PCDHGA3: variants seen among roughly 807,000 people sequenced by gnomAD.
The protein encoded by PCDHGA3 is protocadherin gamma-A3.
A neutral mutation model predicts 58.5 loss-of-function variants in PCDHGA3; 40 were observed. The ratio of observed to expected loss-of-function variants is 0.68; its 90% CI spans 0.53 to 0.89. PCDHGA3 has a LOEUF of 0.89. Among genes scored for constraint, PCDHGA3 ranks in the 40% least tolerant of loss-of-function variants. PCDHGA3 has a pLI of 0.00. For synonymous variants in PCDHGA3, 530 were observed against 525.7 expected (o/e 1.01, Z -0.11); for missense variants, 1,223 against 1,195.9 (o/e 1.02, Z -0.33).
chr5:141,433,232 C>T (rs1344380820), intron 1 of PCDHGA3: 1 of 1,516,488 alleles, frequency 6.6e-7, no homozygotes, highest in Admixed American at 1.9e-5. Flanking sequence ...ATTGCTCTGT[C>T]TCCCAAGCTG....
At chr5:141,381,826 C>CTTTTTTTTTTTTTTTTTTTT (rs770630741) in intron 1 of PCDHGA3, among the ~76,000 whole-genome samples, 4 of 74,282 alleles carry the variant, frequency 5.4e-5, no homozygotes, top group Admixed American at 1.9e-4. Context: ...CTTTCTTCTT[C>CTTTTTTTTTTTTTTTTTTTT]TTTTTTTTTT....
chr5:141,501,025 C>T (rs999221755), intron 2 of PCDHGA3, among the ~76,000 whole-genome samples: 94 of 152,100 alleles, frequency 6.2e-4, no homozygotes, highest in East Asian at 1.9e-3. Flanking sequence ...CGCGCCACCA[C>T]GCCCAGCTAA....
In PCDHGA3 at chr5:141,486,936, A is replaced by G; in HGVS notation, c.2425-7871A>G. 2 of 1,614,184 alleles carry G rather than the reference A, an allele frequency of 1.2e-6. No individual in the cohort carries two copies. Among genetic ancestry groups the G allele is most frequent in the Non-Finnish European group, 1.7e-6 (2 of 1,180,030 alleles). On this transcript the variant is annotated intron_variant, in intron 1 of 3. Transcript: ENST00000253812. This position sits in a 1 kb window ranked among gnomAD's most constrained non-coding sequence, Gnocchi z 5.0. ...CTGCCTCCATCAGTTGGTGCTGGCC[A>G]CCTAATCACAAAGGTGACTGCTGTG...
At chr5:141,370,093 C>T (rs1766669679) in intron 1 of PCDHGA3, among the ~76,000 whole-genome samples, 1 of 152,218 alleles carries the variant, frequency 6.6e-6, no homozygotes, top group South Asian at 2.1e-4. Flanking sequence ...TATCAGTACA[C>T]TGCCGATTTT....
At chr5:141,383,059 C>A (rs1778767353) in intron 1 of PCDHGA3, 1 of 1,613,894 alleles carries the variant, frequency 6.2e-7, no homozygotes, top group Non-Finnish European at 8.5e-7. Flanking sequence ...GGACCTGGGG[C>A]TGGAGCCCCG....
intron 1 of PCDHGA3, among the ~76,000 whole-genome samples, chr5:141,368,490 A>C (rs1765682210): frequency 6.6e-6 from 1 of 152,216 alleles, no homozygotes; most frequent in Admixed American, 6.5e-5. Context: ...AAGAGAATCT[A>C]TACAGTAGGT....
chr5:141,469,394 G>A lies in PCDHGA3; in HGVS notation c.2425-25413G>A, dbSNP rs550152670. Among the ~76,000 whole-genome samples the A allele has an allele frequency of 2.5e-4, 38 of 152,198 alleles. 1 individual carries two copies. The highest frequency in any genetic ancestry group is 8.4e-4 in the African/African-American group (35 of 41,514). On this transcript the variant is annotated intron_variant, in intron 1 of 3. Coordinates refer to ENST00000253812, the MANE Select transcript of PCDHGA3 (RefSeq NM_018916.4). ...GATCGAGACCATCCTGGCCAACATG[G>A]TGAAACCCCGTTTCTACTAAAAATA...
chr5:141,351,539 GC>G, intron 1 of PCDHGA3: 1 of 1,614,024 alleles, frequency 6.2e-7, no homozygotes, highest in Non-Finnish European at 8.5e-7. Context: ...GGGCAAACCA[GC>G]CCTTTCCTCC....
Position 141,415,748 on chromosome 5 carries a change from T to G in PCDHGA3, c.2424+69291T>G, listed in dbSNP as rs1345423849. On this transcript the variant is annotated intron_variant, in intron 1 of 3. Transcript: ENST00000253812. ...ATTTGATGTTTATTAAGGTTTTTTT[T>G]TTTTTTTTTTTTTTTTTTTTTTTTA... is the stretch of plus-strand genomic sequence containing the variant. 87 of 1,008,904 alleles carry G rather than the reference T, an allele frequency of 8.6e-5. No individual in the cohort carries two copies. The Middle Eastern group carries it at 1.2e-3, about 13-fold the overall frequency. 62.5% of individuals were successfully genotyped at this position (1,008,904 alleles called of 1,614,324 possible).
At chr5:141,461,893 G>A (rs2099025951) in intron 1 of PCDHGA3, among the ~76,000 whole-genome samples, 1 of 151,772 alleles carries the variant, frequency 6.6e-6, no homozygotes, top group African/African-American at 2.4e-5. Context: ...GCACGATCTC[G>A]GCTCACTGCA....
rs2154594676 is a variant in PCDHGA3, at chr5:141,511,333, G to A, written c.*160G>A. 6.9e-7 allele frequency: 1 copy of A among 1,441,948 alleles called. No homozygotes were observed. Among genetic ancestry groups the A allele is most frequent in the Non-Finnish European group, 9.2e-7 (1 of 1,085,894 alleles). The allele number at this position is 1,441,948 out of a possible 1,614,324, so 89.3% of individuals were successfully genotyped here. On this transcript the variant is annotated 3_prime_UTR_variant, in exon 4 of 4. Transcript: ENST00000253812. Reference sequence around the variant, plus strand: ...GGAAACAGAAACAAGTGCCCAGTCAGCACCTACCCCTTCCCCCCCAGGGGG... The same window carrying A: ...GGAAACAGAAACAAGTGCCCAGTCAACACCTACCCCTTCCCCCCCAGGGGG...
Position 141,486,895 on chromosome 5 carries a change from C to T in PCDHGA3, c.2425-7912C>T, listed in dbSNP as rs1286004461. ...TCCGTCCTCGGGCCCGGCCTGGTTC[C>T]TTATGTCCCCAAGCACTGCCTCCAT... On this transcript the variant is annotated intron_variant, in intron 1 of 3. Coordinates refer to ENST00000253812, the MANE Select transcript of PCDHGA3 (RefSeq NM_018916.4). This position sits in a 1 kb window ranked among gnomAD's most constrained non-coding sequence, Gnocchi z 5.0. 3 of 1,614,134 alleles carry T rather than the reference C, an allele frequency of 1.9e-6. No homozygotes were observed. The highest frequency in any genetic ancestry group is 3.3e-5 in the Admixed American group (2 of 60,012).
At position 141,361,602 on chromosome 5, in the gene PCDHGA3, C is replaced by A. The variant is rs571629532; in HGVS notation, c.2424+15145C>A. The stretch of plus-strand genomic sequence containing the variant: ...TGGGCCCCAGTGGCCAAGTTTCCTA[C>A]TCCATCGTAGCGAGCGACCTGAAGC... On this transcript the variant is annotated intron_variant, in intron 1 of 3. Coordinates refer to ENST00000253812, the MANE Select transcript of PCDHGA3 (RefSeq NM_018916.4). 4.1e-5 allele frequency: 66 copies of A among 1,614,054 alleles called. 1 individual carries two copies. The Admixed American group carries it at 8.5e-4, about 21-fold the overall frequency.
chr5:141,465,348 A>G (rs886810999), intron 1 of PCDHGA3, among the ~76,000 whole-genome samples: 2 of 152,158 alleles, frequency 1.3e-5, no homozygotes, highest in African/African-American at 4.8e-5. Flanking sequence ...GTTACTGAAG[A>G]AAAAATGGGT....
chr5:141,489,085 G>A lies in PCDHGA3; in HGVS notation c.2425-5722G>A, dbSNP rs1347512723. The A allele has an allele frequency of 2.6e-5, 6 of 230,066 alleles. No homozygotes were observed. The South Asian group carries it at 4.3e-4, about 16-fold the overall frequency. 14.3% of individuals were successfully genotyped at this position (230,066 alleles called of 1,614,324 possible). A position where few individuals can be genotyped will look rare whatever the true frequency, so the allele number is the denominator to read the frequency against. Reference sequence around the variant, plus strand: ...TCCCCCCTGCCCACCCCCGCCACTCGGTGACTAAGAACTGCTGCAAGCAGG... The same window carrying A: ...TCCCCCCTGCCCACCCCCGCCACTCAGTGACTAAGAACTGCTGCAAGCAGG... On this transcript the variant is annotated intron_variant, in intron 1 of 3. Coordinates refer to ENST00000253812, the MANE Select transcript of PCDHGA3 (RefSeq NM_018916.4). The surrounding 1 kb of genome is among the most constrained non-coding windows in gnomAD (Gnocchi z 4.5).
chr5:141,452,749 G>A (rs1453824335), intron 1 of PCDHGA3, among the ~76,000 whole-genome samples: 1 of 152,052 alleles, frequency 6.6e-6, no homozygotes, highest in African/African-American at 2.4e-5. Flanking sequence ...AGAGAAGGAA[G>A]AAGGAAGGGA....
chr5:141,366,268 C>G, intron 1 of PCDHGA3: 2 of 1,613,720 alleles, frequency 1.2e-6, no homozygotes, highest in Non-Finnish European at 1.7e-6. Flanking sequence ...TGGTGGCCGT[C>G]GAAGACCATG....
chr5:141,421,812 A>T, intron 1 of PCDHGA3: 1 of 1,613,822 alleles, frequency 6.2e-7, no homozygotes, highest in Non-Finnish European at 8.5e-7. Context: ...ATCCAGAGCT[A>T]GTACTGGAGG....
chr5:141,381,143 G>A (rs1277267624), intron 1 of PCDHGA3, among the ~76,000 whole-genome samples: 1 of 152,184 alleles, frequency 6.6e-6, no homozygotes, highest in Non-Finnish European at 1.5e-5. Flanking sequence ...CCACCAGAAA[G>A]CAGAAATAGG....
Sources: gnomAD v4.1 joint callset for allele counts (sites outside exome capture counted in the v4.1 genomes callset) on GRCh38, gnomAD v4.1.1 for gene constraint, Gnocchi (gnomAD v3.1) non-coding constraint, MANE v1.5 for transcripts, NCBI Gene and HGNC (gene_info 2026-07-23, HGNC 2026-07-21) for gene names.